Variants in EIF4B observed in about 807,000 individuals in gnomAD.
EIF4B encodes eukaryotic translation initiation factor 4B.
Under a neutral mutation model 79.3 loss-of-function variants are expected in EIF4B, and 8 were observed. That is an observed-to-expected ratio of 0.10 (90% CI 0.06 to 0.18). The LOEUF (loss-of-function observed/expected upper bound fraction) is 0.18, where lower values mean the gene tolerates loss of function less well. Among genes scored for constraint, EIF4B ranks in the 10% least tolerant of loss-of-function variants. EIF4B has a pLI of 1.00. For synonymous variants in EIF4B, 238 were observed against 274.7 expected, an observed-to-expected ratio of 0.87 and a Z score of 1.32; for missense variants, 515 against 792.4, an observed-to-expected ratio of 0.65 and a Z score of 4.20.
In EIF4B at chr12:53,037,629, C is replaced by G. The variant is rs758651994; in HGVS notation, c.1520+7C>G. 6.2e-7 allele frequency: 1 copy of G among 1,613,544 alleles called. No homozygotes were observed. The highest frequency in any genetic ancestry group is 8.5e-7 in the Non-Finnish European group (1 of 1,179,716). ...AGCAGCAGTCCCCTACAAGGTGAGT[C>G]AGTTTGGAAACAGTAGTTGGTTAAC... On this transcript the variant is annotated splice_region_variant and intron_variant, in intron 11 of 14. Coordinates refer to ENST00000262056, the MANE Select transcript of EIF4B (RefSeq NM_001417.7).
chr12:53,019,435 A>ATTTTTTTTTTT (rs759250282), intron 3 of EIF4B, among the ~76,000 whole-genome samples: 1 of 39,466 alleles, frequency 2.5e-5, no homozygotes, highest in Admixed American at 3.3e-4. Context: ...ATATATATAT[A>ATTTTTTTTTTT]TATTTTTTTT....
At chr12:53,018,565 AAG>A (rs1401860865) in intron 2 of EIF4B, among the ~76,000 whole-genome samples, 1 of 152,196 alleles carries the variant, frequency 6.6e-6, no homozygotes, top group African/African-American at 2.4e-5. Flanking sequence ...ATATTCCATA[AAG>A]AGTTGTATTT....
At chr12:53,038,234 T>C (rs940293885) in intron 11 of EIF4B, 122 bp from the exon 12 acceptor site, 1 of 758,224 alleles carries the variant, frequency 1.3e-6, no homozygotes, top group African/African-American at 1.8e-5. Context: ...TAATGTTCCA[T>C]AACATTGAGT....
intron 2 of EIF4B, among the ~76,000 whole-genome samples, chr12:53,018,525 T>C (rs1315880559): frequency 1.3e-5 from 2 of 152,180 alleles, no homozygotes; most frequent in African/African-American, 4.8e-5. Flanking sequence ...AGATGGGATA[T>C]AATGAATATA....
chr12:53,008,417 T>G (rs1943004786), intron 1 of EIF4B, among the ~76,000 whole-genome samples: 1 of 152,262 alleles, frequency 6.6e-6, no homozygotes. Flanking sequence ...CAGTCTGTTC[T>G]TGAGGAATCT....
intron 5 of EIF4B, 148 bp downstream of exon 5, chr12:53,022,008 TC>T: frequency 1.1e-6 from 1 of 879,724 alleles, no homozygotes; most frequent in South Asian, 1.6e-5. Flanking sequence ...ACAGGGGACT[TC>T]TGGCAATGTT....
chr12:53,034,822 G>T, intron 10 of EIF4B, 113 bp downstream of exon 10: 1 of 1,180,220 alleles, frequency 8.5e-7, no homozygotes, highest in Non-Finnish European at 1.2e-6. Flanking sequence ...TCTTTATTTG[G>T]GTTGCATGGG....
At chr12:53,038,536 C>A in intron 12 of EIF4B, 125 bp downstream of exon 12, 1 of 857,022 alleles carries the variant, frequency 1.2e-6, no homozygotes, top group East Asian at 3.2e-5. Flanking sequence ...TTGGGTTGGC[C>A]AGGCGCAGGG....
intron 6 of EIF4B, among the ~76,000 whole-genome samples, chr12:53,023,889 G>T (rs561435089): frequency 6.6e-6 from 1 of 152,230 alleles, no homozygotes; most frequent in East Asian, 1.9e-4. Flanking sequence ...GGCCTAAAAT[G>T]TAACTTTCTA....
chr12:53,040,042 G>T, intron 14 of EIF4B, 101 bp from the exon 15 acceptor site: 1 of 1,347,554 alleles, frequency 7.4e-7, no homozygotes. Context: ...GGTGTCATCT[G>T]ACTGTCATCC....
chr12:53,042,187 A>G lies in EIF4B; in HGVS notation c.*1964A>G, dbSNP rs1417988610. ...GTTGTGGGTTTTTTGTTTTCTCCAA[A>G]TAAATCTGATCTTTAAAGTTCATTG... On this transcript the variant is annotated 3_prime_UTR_variant, in exon 15 of 15. Coordinates refer to ENST00000262056, the MANE Select transcript of EIF4B (RefSeq NM_001417.7). 1.3e-5 allele frequency: 2 copies of G among 152,610 alleles called. No homozygotes were observed. Among genetic ancestry groups the G allele is most frequent in the African/African-American group, 4.8e-5 (2 of 41,428 alleles). 9.5% of individuals were successfully genotyped at this position (152,610 alleles called of 1,614,324 possible).
At chr12:53,020,061 A>G (rs1341988269) in intron 4 of EIF4B, 35 bp downstream of exon 4, 15 of 1,524,312 alleles carry the variant, frequency 9.8e-6, no homozygotes, top group Non-Finnish European at 1.2e-5. Flanking sequence ...TGAGGGGTGT[A>G]AGTTCACAAA....
chr12:53,034,840 G>A, intron 10 of EIF4B, 131 bp downstream of exon 10: 1 of 920,058 alleles, frequency 1.1e-6, no homozygotes, highest in Non-Finnish European at 1.7e-6. Context: ...GGGCCGATTG[G>A]AGTTTCATAT....
intron 8 of EIF4B, among the ~76,000 whole-genome samples, chr12:53,029,498 C>G (rs1203106970): frequency 6.6e-6 from 1 of 151,824 alleles, no homozygotes; most frequent in Non-Finnish European, 1.5e-5. Flanking sequence ...GCCTCAGCCT[C>G]CCGAGTAGCT....
At chr12:53,018,700 G>A (rs1222195339) in intron 2 of EIF4B, 98 bp from the exon 3 acceptor site, 6 of 1,399,354 alleles carry the variant, frequency 4.3e-6, no homozygotes, top group Non-Finnish European at 6.0e-6. Context: ...TTCTTGTATA[G>A]CATGTTTAAT....
chr12:53,025,303 T>C, intron 6 of EIF4B: 1 of 452,434 alleles, frequency 2.2e-6, no homozygotes, highest in East Asian at 7.0e-5. Context: ...ATGACTTTTC[T>C]CACCTGAAAC....
chr12:53,022,705 G>T, intron 6 of EIF4B, 78 bp downstream of exon 6: 2 of 1,507,034 alleles, frequency 1.3e-6, no homozygotes, highest in Non-Finnish European at 1.8e-6. Flanking sequence ...TGTTACAGAT[G>T]ATCAGATCAC....
In EIF4B at chr12:53,041,868, AT is replaced by A. The variant is rs1943645310; in HGVS notation, c.*1647del. 2 of 152,266 alleles carry A rather than the reference AT, an allele frequency of 1.3e-5. No individual in the cohort carries two copies. Among genetic ancestry groups the A allele is most frequent in the South Asian group, 4.1e-4 (2 of 4,836 alleles). The allele number at this position is 152,266 out of a possible 1,614,324, so 9.4% of individuals were successfully genotyped here. The stretch of plus-strand genomic sequence containing the variant: ...AGTGGGCTTTTAAAGAGTATTGAAG[AT>A]TGAAAGGGTTTTTCTTTCTTTTTTA... On this transcript the variant is annotated 3_prime_UTR_variant, in exon 15 of 15. Coordinates refer to ENST00000262056, the MANE Select transcript of EIF4B (RefSeq NM_001417.7).
intron 4 of EIF4B, among the ~76,000 whole-genome samples, chr12:53,020,798 A>G (rs1451316251): frequency 2.0e-5 from 3 of 152,174 alleles, no homozygotes; most frequent in African/African-American, 4.8e-5. Flanking sequence ...ATAAAAATTA[A>G]TGTACTTAGT....
Sources: gnomAD v4.1 joint callset for allele counts (sites outside exome capture counted in the v4.1 genomes callset) on GRCh38, gnomAD v4.1.1 for gene constraint, MANE v1.5 for transcripts, NCBI Gene and HGNC (gene_info 2026-07-23, HGNC 2026-07-21) for gene names.